SINHCAF: variants seen among roughly 807,000 people sequenced by gnomAD.
SINHCAF encodes the protein SIN3-HDAC complex associated factor.
A neutral mutation model predicts 25.8 loss-of-function variants in SINHCAF; 3 were observed. That is an observed-to-expected ratio of 0.12 (90% CI 0.05 to 0.30). The LOEUF is 0.30. Ranked by LOEUF, SINHCAF falls within the 10% of genes least tolerant of loss-of-function variation. SINHCAF has a pLI of 1.00. For missense variants in SINHCAF, 121 were observed against 262.3 expected, an observed-to-expected ratio of 0.46 and a Z score of 3.72; for synonymous variants, 70 against 85.5, an observed-to-expected ratio of 0.82 and a Z score of 1.00.
intron 1 of SINHCAF, among the ~76,000 whole-genome samples, chr12:31,312,723 C>G (rs575295520): frequency 1.3e-5 from 2 of 152,204 alleles, no homozygotes; most frequent in Non-Finnish European, 2.9e-5. Flanking sequence ...CACTGTTACT[C>G]ATTTAACTGA....
At chr12:31,323,292 C>G (rs1239522988) in intron 1 of SINHCAF, among the ~76,000 whole-genome samples, 1 of 152,194 alleles carries the variant, frequency 6.6e-6, no homozygotes, top group East Asian at 1.9e-4. Flanking sequence ...TTAGATTGGG[C>G]AACTAAATGT....
At chr12:31,304,880 T>C (rs1460926093) in intron 1 of SINHCAF, 2 of 152,316 alleles carry the variant, frequency 1.3e-5, no homozygotes, top group Middle Eastern at 3.4e-3. Context: ...TACAGAAACA[T>C]TAACCAGGTT....
chr12:31,282,950 A>G (rs950032698), intron 5 of SINHCAF, 79 bp from the exon 6 acceptor site: 20 of 1,084,582 alleles, frequency 1.8e-5, no homozygotes, highest in Non-Finnish European at 2.5e-5. Context: ...TCACTATTAT[A>G]ACTAGTCCAA....
At chr12:31,300,343 G>GA (rs1938735333) in intron 1 of SINHCAF, among the ~76,000 whole-genome samples, 1 of 152,180 alleles carries the variant, frequency 6.6e-6, no homozygotes, top group African/African-American at 2.4e-5. Flanking sequence ...TTGTTGGTGA[G>GA]AGAGGCAGGC....
chr12:31,313,154 A>G (rs1939345628), intron 1 of SINHCAF, among the ~76,000 whole-genome samples: 1 of 151,834 alleles, frequency 6.6e-6, no homozygotes, highest in Non-Finnish European at 1.5e-5. Context: ...CCTCCCAAGT[A>G]GCTGAGATTA....
At chr12:31,302,155 A>G (rs936414115) in intron 1 of SINHCAF, among the ~76,000 whole-genome samples, 1 of 152,118 alleles carries the variant, frequency 6.6e-6, no homozygotes, top group Non-Finnish European at 1.5e-5. Flanking sequence ...ATCCTTAACC[A>G]TGTGTTTGGG....
chr12:31,324,597 C>T lies in SINHCAF; in HGVS notation c.-21+1427G>A, dbSNP rs1364422450. 1 of 263,160 alleles carries T rather than the reference C, an allele frequency of 3.8e-6. No individual in the cohort carries two copies. The highest frequency in any genetic ancestry group is 2.3e-5 in the African/African-American group (1 of 43,538). 16.3% of individuals were successfully genotyped at this position (263,160 alleles called of 1,614,324 possible). ...TTCGAGGGCCTCCGACCTGCACGGC[C>T]CTACGCCCAGGCGGCGGCCCCGAGC... is the stretch of plus-strand genomic sequence containing the variant. On this transcript the variant is annotated intron_variant, in intron 1 of 5. Coordinates refer to ENST00000337682, the MANE Select transcript of SINHCAF (RefSeq NM_001135812.2). The surrounding 1 kb of genome is among the most constrained non-coding windows in gnomAD (Gnocchi z 5.5).
intron 4 of SINHCAF, among the ~76,000 whole-genome samples, chr12:31,289,561 G>A (rs1038556068): frequency 2.0e-5 from 3 of 152,156 alleles, no homozygotes; most frequent in African/African-American, 7.2e-5. Flanking sequence ...CAGAAAATAA[G>A]TTTCTTAGTT....
At chr12:31,297,952 A>G in intron 2 of SINHCAF, 125 bp downstream of exon 2, 1 of 984,778 alleles carries the variant, frequency 1.0e-6, no homozygotes, top group South Asian at 1.6e-5. Flanking sequence ...AGACTTACAC[A>G]GCCTAAATTA....
intron 1 of SINHCAF, among the ~76,000 whole-genome samples, chr12:31,320,826 A>T (rs1939668129): frequency 6.6e-6 from 1 of 152,142 alleles, no homozygotes; most frequent in Non-Finnish European, 1.5e-5. Context: ...TTCAAGCAGG[A>T]GCAGGGGGAA....
At chr12:31,291,866 T>C (rs1170496764) in intron 4 of SINHCAF, among the ~76,000 whole-genome samples, 2 of 152,170 alleles carry the variant, frequency 1.3e-5, no homozygotes, top group Non-Finnish European at 2.9e-5. Context: ...ACAGACCATT[T>C]AGTGGGTGAT....
intron 1 of SINHCAF, among the ~76,000 whole-genome samples, chr12:31,308,382 G>A (rs954218202): frequency 6.6e-6 from 1 of 152,118 alleles, no homozygotes; most frequent in Non-Finnish European, 1.5e-5. Flanking sequence ...ACAACAGCAG[G>A]CCAACTCCAA....
chr12:31,292,969 T>C (rs1272095690), intron 4 of SINHCAF, among the ~76,000 whole-genome samples: 1 of 152,214 alleles, frequency 6.6e-6, no homozygotes, highest in Non-Finnish European at 1.5e-5. Context: ...GAGAAAGCTC[T>C]GGAAACAGAA....
chr12:31,283,855 TACACACACACACACACACACAC>T (rs57162055), intron 5 of SINHCAF, among the ~76,000 whole-genome samples: 7 of 140,478 alleles, frequency 5.0e-5, no homozygotes, highest in South Asian at 2.4e-4. Flanking sequence ...AGTTATCCAT[TACACACACACACACACACACAC>T]ACACACACAC....
chr12:31,321,830 A>G (rs1939704584), intron 1 of SINHCAF, among the ~76,000 whole-genome samples: 1 of 152,230 alleles, frequency 6.6e-6, no homozygotes. Flanking sequence ...TCCTCATAAG[A>G]GCCCTGTATA....
At chr12:31,311,924 C>A in intron 1 of SINHCAF, 1 of 569,388 alleles carries the variant, frequency 1.8e-6, no homozygotes, top group South Asian at 1.4e-5. Flanking sequence ...AGTATCTTTT[C>A]AAGAATGTGT....
rs376154868 is a variant in SINHCAF, at chr12:31,282,925, A to G, written c.507-54T>C. The G allele has an allele frequency of 2.9e-6, 4 of 1,386,762 alleles. No individual in the cohort carries two copies. In the Admixed American group the frequency reaches 8.9e-5, roughly 31 times the overall value. The allele number at this position is 1,386,762 out of a possible 1,614,324, so 85.9% of individuals were successfully genotyped here. Reference sequence around the variant, plus strand: ...ATTAATAAGGAAGAAAAATAGGAATACAAAAGAAATCTACTCACTATTATA... The same window carrying G: ...ATTAATAAGGAAGAAAAATAGGAATGCAAAAGAAATCTACTCACTATTATA... On this transcript the variant is annotated intron_variant, in intron 5 of 5. Coordinates refer to ENST00000337682, the MANE Select transcript of SINHCAF (RefSeq NM_001135812.2).
intron 1 of SINHCAF, among the ~76,000 whole-genome samples, chr12:31,316,997 A>G (rs1474024394): frequency 6.6e-6 from 1 of 152,184 alleles, no homozygotes; most frequent in East Asian, 1.9e-4. Flanking sequence ...GAAGGACATC[A>G]TTATTTACTC....
intron 1 of SINHCAF, among the ~76,000 whole-genome samples, chr12:31,318,867 C>T (rs1448627427): frequency 1.3e-5 from 2 of 152,128 alleles, no homozygotes; most frequent in Admixed American, 6.5e-5. Flanking sequence ...GAAGTCACTC[C>T]TAATTTTATT....
Sources: allele counts gnomAD v4.1 joint callset (sites outside exome capture counted in the v4.1 genomes callset), GRCh38; gene constraint gnomAD v4.1.1; non-coding constraint Gnocchi (gnomAD v3.1); transcripts MANE v1.5; gene names NCBI Gene and HGNC (gene_info 2026-07-23, HGNC 2026-07-21).